The following KNDC1 variants were observed in gnomAD, a reference collection of about 807,000 sequenced individuals.
KNDC1 encodes kinase non-catalytic C-lobe domain containing 1, also known as kinase non-catalytic C-lobe domain-containing protein 1.
KNDC1 carries 106 observed loss-of-function variants against 172.8 expected under a neutral mutation model. The observed-to-expected ratio is 0.61, with a 90% CI of 0.52 to 0.72. The LOEUF (loss-of-function observed/expected upper bound fraction) is 0.72, where lower values mean the gene tolerates loss of function less well. Among genes scored for constraint, KNDC1 ranks in the 30% least tolerant of loss-of-function variants. KNDC1 has a pLI of 0.00. For synonymous variants in KNDC1, 1,083 were observed against 1,062.2 expected (o/e 1.02, Z -0.38); for missense variants, 2,325 against 2,394.5 (o/e 0.97, Z 0.61).
Position 133,160,362 on chromosome 10 carries a change from G to A in KNDC1, c.-106G>A, listed in dbSNP as rs566329218. 2,782 of 427,162 alleles carry A rather than the reference G, an allele frequency of 6.5e-3. 20 individuals carry two copies. The highest frequency in any genetic ancestry group is 8.5e-3 in the Non-Finnish European group (2,424 of 286,518). The allele number at this position is 427,162 out of a possible 1,614,324, so 26.5% of individuals were successfully genotyped here. ...CACTGCGGCAGCGGCGGGCGGGCGG[G>A]GGCGGGCGAGGGCCGGGCGCGTCTC... On this transcript the variant is annotated 5_prime_UTR_variant, in exon 1 of 30. Transcript: ENST00000304613.
In KNDC1 at chr10:133,163,363, A is replaced by G. The variant is rs1853039706; in HGVS notation, c.102+2794A>G. On this transcript the variant is annotated intron_variant, in intron 1 of 29. Transcript: ENST00000304613. The surrounding 1 kb of genome is among the most constrained non-coding windows in gnomAD (Gnocchi z 4.4). ...GGCTGGGCTCAGAATCTGAGGCTGG[A>G]CAGGATGCAGTTGCTCCCTGGAGGG... 6.6e-6 allele frequency among the ~76,000 whole-genome samples: 1 copy of G among 152,140 alleles called. No individual in the cohort carries two copies. The highest frequency in any genetic ancestry group is 2.1e-4 in the South Asian group (1 of 4,826).
intron 3 of KNDC1, among the ~76,000 whole-genome samples, chr10:133,181,976 G>T (rs959610725): frequency 8.5e-5 from 13 of 152,170 alleles, no homozygotes; most frequent in African/African-American, 3.1e-4. Context: ...GTTCAAATAA[G>T]ACATCTCAGG....
At chr10:133,200,566 GCTCC>G in intron 16 of KNDC1, 106 bp downstream of exon 16, 1 of 893,696 alleles carries the variant, frequency 1.1e-6, no homozygotes, top group South Asian at 2.3e-5. Flanking sequence ...AGACTGCACT[GCTCC>G]AGCGGGGCTG....
chr10:133,201,638 G>C lies in KNDC1; in HGVS notation c.3127G>C (p.Glu1043Gln), dbSNP rs199802194. The C allele has an allele frequency of 6.2e-7, 1 of 1,613,120 alleles. No individual in the cohort carries two copies. Residue 1043 changes from glutamate to glutamine, a missense_variant, in exon 17 of 30, where the codon GAG becomes CAG. Coordinates refer to ENST00000304613, the MANE Select transcript of KNDC1 (RefSeq NM_152643.8). ...GFRPQRSVKA[E>Q]RAQQPEAGED... ...TCGGCCTCAGAGGTCCGTAAAAGCC[G>C]AGAGAGCGCAGCAGCCTGAGGCTGG...
chr10:133,216,681 A>C (rs899060787), intron 26 of KNDC1, among the ~76,000 whole-genome samples: 1 of 152,178 alleles, frequency 6.6e-6, no homozygotes, highest in Non-Finnish European at 1.5e-5. Context: ...CAAAAAAAAT[A>C]AAAAATAAAA....
intron 26 of KNDC1, among the ~76,000 whole-genome samples, chr10:133,215,975 G>A (rs1330326231): frequency 6.6e-6 from 1 of 152,230 alleles, no homozygotes; most frequent in Non-Finnish European, 1.5e-5. Flanking sequence ...CCTCGCCGGA[G>A]ACCCACTTCT....
At position 133,185,308 on chromosome 10, in the gene KNDC1, T is replaced by C. The variant is rs569094468; in HGVS notation, c.626-666T>C. Among the ~76,000 whole-genome samples, 14 of 149,402 alleles carry C rather than the reference T, an allele frequency of 9.4e-5. No individual in the cohort carries two copies. The East Asian group carries it at 2.8e-3, about 30-fold the overall frequency. Reference sequence around the variant, plus strand: ...AATAGGCAGTGTGTGCAGTGTAGAGTAGGCAGTGTGTACAGTGTGGAGTAG... The same window carrying C: ...AATAGGCAGTGTGTGCAGTGTAGAGCAGGCAGTGTGTACAGTGTGGAGTAG... On this transcript the variant is annotated intron_variant, in intron 5 of 29. Transcript: ENST00000304613.
Position 133,218,920 on chromosome 10 carries a change from C to A in KNDC1, c.4767C>A (p.Ser1589Arg). 3 of 1,613,800 alleles carry A rather than the reference C, an allele frequency of 1.9e-6. No homozygotes were observed. The highest frequency in any genetic ancestry group is 2.5e-6 in the Non-Finnish European group (3 of 1,179,892). Residue 1589 changes from serine to arginine, a missense_variant, in exon 27 of 30, where the codon AGC becomes AGA. Coordinates refer to ENST00000304613, the MANE Select transcript of KNDC1 (RefSeq NM_152643.8). ...RNFATAMQIL[S>R]GLEHLAVRQS... The stretch of plus-strand genomic sequence containing the variant: ...TCGCGACAGCCATGCAGATCCTGAG[C>A]GGGCTGGAGCACCTGGCCGTGAGGC...
Position 133,167,431 on chromosome 10 carries a change from C to T in KNDC1, c.153C>T (p.Ser51=), listed in dbSNP as rs776048059. ...DILSLRDRGL[S]EQEAWAVCLE... ...TCTCCCTGCGGGACCGCGGCCTCAGCGAGCAGGAAGCCTGGGCCGTGTGCC... is the reference window on the plus strand; with the variant it reads ...TCTCCCTGCGGGACCGCGGCCTCAGTGAGCAGGAAGCCTGGGCCGTGTGCC... Residue 51 remains serine (S), a synonymous_variant, in exon 2 of 30, where the codon AGC becomes AGT. Coordinates refer to ENST00000304613, the MANE Select transcript of KNDC1 (RefSeq NM_152643.8). 3.1e-6 allele frequency: 5 copies of T among 1,605,234 alleles called. No homozygotes were observed. Among genetic ancestry groups the T allele is most frequent in the Non-Finnish European group, 3.4e-6 (4 of 1,177,184 alleles).
Position 133,198,778 on chromosome 10 carries a change from GCCGCCCCTGCCCTCCACCCCAGGC to G in KNDC1, c.2273_2296del (p.Arg758_Ala765del). The G allele has an allele frequency of 1.3e-6, 2 of 1,586,288 alleles. No individual in the cohort carries two copies. Among genetic ancestry groups the G allele is most frequent in the South Asian group, 2.3e-5 (2 of 87,372 alleles). On this transcript the variant is annotated inframe_deletion, in exon 14 of 30. Transcript: ENST00000304613. ...TCAGTGCAGCGTGACTCAGCCCAGG[GCCGCCCCTGCCCTCCACCCCAGGC>G]CCCAGCAAACCAGCCAGAGGGGGCC... is the stretch of plus-strand genomic sequence containing the variant.
chr10:133,219,936 G>A lies in KNDC1; in HGVS notation c.4861-19G>A. 1.9e-6 allele frequency: 3 copies of A among 1,545,412 alleles called. No individual in the cohort carries two copies. Among genetic ancestry groups the A allele is most frequent in the Non-Finnish European group, 2.6e-6 (3 of 1,143,602 alleles). ...CACGCCCTGTCTCTCCCCGGCCCAC[G>A]CCCCGGCTGGACCACCAGGTCTTCC... is the stretch of plus-strand genomic sequence containing the variant. On this transcript the variant is annotated intron_variant, in intron 28 of 29. Coordinates refer to ENST00000304613, the MANE Select transcript of KNDC1 (RefSeq NM_152643.8).
intron 17 of KNDC1, 137 bp from the exon 18 acceptor site, chr10:133,206,548 G>A (rs1251051092): frequency 2.7e-6 from 2 of 746,052 alleles, no homozygotes; most frequent in Non-Finnish European, 4.6e-6. Context: ...GGCTGAGTGG[G>A]CCTCTGTCTC....
intron 29 of KNDC1, 150 bp downstream of exon 29, chr10:133,220,262 C>A (rs1212124581): frequency 4.2e-6 from 1 of 235,800 alleles, no homozygotes; most frequent in African/African-American, 4.3e-5. Context: ...CTCAGGCGGG[C>A]GCGCGCCCAG....
At chr10:133,187,010 C>G (rs559218492) in intron 6 of KNDC1, among the ~76,000 whole-genome samples, 17 of 152,212 alleles carry the variant, frequency 1.1e-4, no homozygotes, top group Non-Finnish European at 2.2e-4. Context: ...GCCAGCAGCC[C>G]CGGCTCCGTG....
chr10:133,207,345 A>G lies in KNDC1; in HGVS notation c.3788A>G (p.Tyr1263Cys). 6.2e-7 allele frequency: 1 copy of G among 1,612,146 alleles called. No homozygotes were observed. Among genetic ancestry groups the G allele is most frequent in the Non-Finnish European group, 8.5e-7 (1 of 1,179,504 alleles). ...CCGCTGGGGCTCATGGCCTACCTGT[A>G]CTCCAGGTGCGTTGGGAGAAAAGCT... is the stretch of plus-strand genomic sequence containing the variant. ...GTPLGLMAYL[Y>C]SSDAFLEGYV... The change falls in exon 20 of 30, where the codon TAC becomes TGC. Residue 1263 changes from tyrosine (Y) to cysteine (C), a missense_variant. Coordinates refer to ENST00000304613, the MANE Select transcript of KNDC1 (RefSeq NM_152643.8).
chr10:133,201,713 C>G lies in KNDC1; in HGVS notation c.3202C>G (p.Arg1068Gly), dbSNP rs781094646. 3 of 1,609,688 alleles carry G rather than the reference C, an allele frequency of 1.9e-6. No homozygotes were observed. Among genetic ancestry groups the G allele is most frequent in the Non-Finnish European group, 2.5e-6 (3 of 1,178,486 alleles). ...GGCCTCAGACGTGGAGGCAGTGACC[C>G]GACTGGCCAGGTCCAAAGGGGTCGG... ...GGASDVEAVT[R>G]LARSKGVGPA... The change falls in exon 17 of 30, where the codon CGA becomes GGA. Residue 1068 changes from arginine (R) to glycine (G), a missense_variant. Physicochemically the swap from Arg to Gly is moderately radical, Grantham distance 125. Coordinates refer to ENST00000304613, the MANE Select transcript of KNDC1 (RefSeq NM_152643.8).
At chr10:133,181,754 C>T (rs1219575622) in intron 3 of KNDC1, among the ~76,000 whole-genome samples, 1 of 151,788 alleles carries the variant, frequency 6.6e-6, no homozygotes, top group Admixed American at 6.6e-5. Context: ...AGATGCGTGT[C>T]CAGCTGTCTG....
intron 29 of KNDC1, among the ~76,000 whole-genome samples, chr10:133,223,538 C>T (rs1845654054): frequency 1.5e-5 from 1 of 67,210 alleles, no homozygotes; most frequent in Non-Finnish European, 2.8e-5. Flanking sequence ...CATGCTCTTC[C>T]CGGCGTGTGT....
chr10:133,165,757 G>T (rs1021694871), intron 1 of KNDC1, among the ~76,000 whole-genome samples: 1 of 152,182 alleles, frequency 6.6e-6, no homozygotes, highest in Admixed American at 6.5e-5. Context: ...CACAGGCGTC[G>T]CTGGGAGCTT....
Sources: allele counts gnomAD v4.1 joint callset (sites outside exome capture counted in the v4.1 genomes callset), GRCh38; gene constraint gnomAD v4.1.1; non-coding constraint Gnocchi (gnomAD v3.1); transcripts MANE v1.5; gene names NCBI Gene and HGNC (gene_info 2026-07-23, HGNC 2026-07-21).